NRG2: variants seen among roughly 807,000 people sequenced by gnomAD.
NRG2 encodes pro-neuregulin-2, membrane-bound isoform.
In NRG2, 27 loss-of-function variants were observed where a neutral mutation model predicts 73.9. The observed-to-expected ratio is 0.37, with a 90% CI of 0.27 to 0.50. The LOEUF is 0.50. Ranked by LOEUF, NRG2 falls within the 20% of genes least tolerant of loss-of-function variation. The pLI is 0.96. For missense variants in NRG2, 1,126 were observed against 1,210.1 expected (o/e 0.93, Z 1.03); for synonymous variants, 532 against 541.0 (o/e 0.98, Z 0.23).
chr5:139,875,589 T>G (rs1045123819), intron 3 of NRG2, among the ~76,000 whole-genome samples: 1 of 152,194 alleles, frequency 6.6e-6, no homozygotes, highest in Non-Finnish European at 1.5e-5. Flanking sequence ...CTCCTTTAAA[T>G]GCAAACATTC....
chr5:139,852,694 T>C lies in NRG2; in HGVS notation c.1417-135A>G. The C allele has an allele frequency of 6.9e-7, 1 of 1,440,700 alleles. No individual in the cohort carries two copies. The highest frequency in any genetic ancestry group is 9.5e-7 in the Non-Finnish European group (1 of 1,057,380). 89.2% of individuals were successfully genotyped at this position (1,440,700 alleles called of 1,614,324 possible). ...CCACTGTGTGAGAGTGACTTGATGT[T>C]GGGGCAGCGATGGCTCCAGCAAATC... On this transcript the variant is annotated intron_variant, in intron 7 of 9. Transcript: ENST00000361474. The surrounding 1 kb of genome is among the most constrained non-coding windows in gnomAD (Gnocchi z 4.4).
intron 1 of NRG2, among the ~76,000 whole-genome samples, chr5:140,032,940 T>G (rs1364217425): frequency 1.3e-5 from 2 of 152,190 alleles, no homozygotes; most frequent in African/African-American, 4.8e-5. Flanking sequence ...CTTAATATAA[T>G]TGTATGGGTA....
At chr5:139,932,689 T>C (rs1752565590) in intron 1 of NRG2, among the ~76,000 whole-genome samples, 1 of 152,090 alleles carries the variant, frequency 6.6e-6, no homozygotes, top group South Asian at 2.1e-4. Flanking sequence ...ATAGTAAGTA[T>C]TTTACTATCT....
chr5:139,931,188 C>G (rs1256920663), intron 1 of NRG2, among the ~76,000 whole-genome samples: 1 of 152,186 alleles, frequency 6.6e-6, no homozygotes, highest in Non-Finnish European at 1.5e-5. Context: ...AGGCCAAGAC[C>G]TGTCATACAG....
Position 140,002,719 on chromosome 5 carries a change from G to GT in NRG2, c.700+39650dup, listed in dbSNP as rs573818580. Reference sequence around the variant, plus strand: ...GGTTTACAGCAGGAGAATCACACGAGTTTTTTTTATTTGTCAGTCAGACTG... The same window carrying GT: ...GGTTTACAGCAGGAGAATCACACGAGTTTTTTTTTATTTGTCAGTCAGACTG... On this transcript the variant is annotated intron_variant, in intron 1 of 9. Coordinates refer to ENST00000361474, the MANE Select transcript of NRG2 (RefSeq NM_004883.3). Among the ~76,000 whole-genome samples, 974 of 152,202 alleles carry GT rather than the reference G, an allele frequency of 6.4e-3. 2 individuals are homozygous for GT. The highest frequency in any genetic ancestry group is 0.01 in the Non-Finnish European group (700 of 67,996).
intron 1 of NRG2, among the ~76,000 whole-genome samples, chr5:140,011,865 T>C (rs1759392562): frequency 6.6e-6 from 1 of 152,246 alleles, no homozygotes; most frequent in African/African-American, 2.4e-5. Flanking sequence ...AAATAACTAA[T>C]AAGAGGACCC....
rs1007264508 is a variant in NRG2 at position 139,901,215 on chromosome 5, G to A, written c.701-13704C>T. Among the ~76,000 whole-genome samples, 3 of 152,240 alleles carry A rather than the reference G, an allele frequency of 2.0e-5. No homozygotes were observed. The East Asian group carries it at 5.8e-4, about 29-fold the overall frequency. ...CCCCTGCCAAATGCCTGGGACCTGG[G>A]ATGAAGACTGATGAGTCCTGGTCTG... On this transcript the variant is annotated intron_variant, in intron 1 of 9. Transcript: ENST00000361474.
intron 1 of NRG2, among the ~76,000 whole-genome samples, chr5:139,959,184 T>C (rs1212447621): frequency 8.9e-6 from 1 of 112,676 alleles, no homozygotes; most frequent in African/African-American, 3.6e-5. Flanking sequence ...TCCTTGTGTT[T>C]TGTTTGTTTG....
intron 1 of NRG2, among the ~76,000 whole-genome samples, chr5:139,907,663 A>G (rs192875882): frequency 1.1e-4 from 16 of 152,304 alleles, no homozygotes; most frequent in Non-Finnish European, 1.2e-4. Context: ...TGGCATGGAA[A>G]TTCAAAGGGG....
At chr5:139,975,905 A>T (rs1168049703) in intron 1 of NRG2, among the ~76,000 whole-genome samples, 2 of 152,248 alleles carry the variant, frequency 1.3e-5, no homozygotes, top group Non-Finnish European at 2.9e-5. Flanking sequence ...GCTGGAATTA[A>T]AATTAAAAAT....
intron 3 of NRG2, among the ~76,000 whole-genome samples, chr5:139,878,026 C>T (rs1034267135): frequency 6.6e-6 from 1 of 152,184 alleles, no homozygotes; most frequent in African/African-American, 2.4e-5. Context: ...CTACGGAGGG[C>T]TGACAGTAAT....
At chr5:139,961,283 G>A in intron 1 of NRG2, among the ~76,000 whole-genome samples, 1 of 152,034 alleles carries the variant, frequency 6.6e-6, no homozygotes, top group Non-Finnish European at 1.5e-5. Context: ...TCTAGGTTTC[G>A]GCAGGGCCTT....
intron 1 of NRG2, among the ~76,000 whole-genome samples, chr5:139,981,910 G>A (rs964960144): frequency 2.0e-5 from 3 of 152,164 alleles, no homozygotes; most frequent in African/African-American, 7.2e-5. Context: ...GAGGAGGCAT[G>A]GGAAGAAAAA....
At chr5:139,895,937 G>A (rs760964817) in intron 1 of NRG2, among the ~76,000 whole-genome samples, 4 of 152,238 alleles carry the variant, frequency 2.6e-5, no homozygotes, top group African/African-American at 4.8e-5. Context: ...GGACTAGGCC[G>A]TCTCTTGCTC....
chr5:139,881,820 G>A (rs1306618247), intron 2 of NRG2, among the ~76,000 whole-genome samples: 1 of 152,238 alleles, frequency 6.6e-6, no homozygotes, highest in African/African-American at 2.4e-5. Context: ...CCTGCATGCT[G>A]AGAACTGTGT....
chr5:139,958,945 C>A (rs868417301), intron 1 of NRG2, among the ~76,000 whole-genome samples: 1 of 152,212 alleles, frequency 6.6e-6, no homozygotes, highest in Non-Finnish European at 1.5e-5. Flanking sequence ...GAGTGACTTG[C>A]CCCAGGCCCC....
intron 1 of NRG2, among the ~76,000 whole-genome samples, chr5:139,977,169 T>G (rs1450457324): frequency 6.6e-6 from 1 of 152,230 alleles, no homozygotes; most frequent in Non-Finnish European, 1.5e-5. Flanking sequence ...TGTAAGATGT[T>G]AATACTATAG....
At chr5:139,997,412 C>T (rs995195331) in intron 1 of NRG2, among the ~76,000 whole-genome samples, 2 of 152,204 alleles carry the variant, frequency 1.3e-5, no homozygotes, top group Non-Finnish European at 2.9e-5. Flanking sequence ...AATAATCTTA[C>T]GAAGACCATT....
intron 1 of NRG2, among the ~76,000 whole-genome samples, chr5:139,966,567 A>G (rs1287090780): frequency 6.6e-6 from 1 of 152,202 alleles, no homozygotes; most frequent in African/African-American, 2.4e-5. Flanking sequence ...AACTAGCAGC[A>G]AAGACTGGAG....
Sources: allele counts gnomAD v4.1 joint callset (sites outside exome capture counted in the v4.1 genomes callset), GRCh38; gene constraint gnomAD v4.1.1; non-coding constraint Gnocchi (gnomAD v3.1); transcripts MANE v1.5; gene names NCBI Gene and HGNC (gene_info 2026-07-23, HGNC 2026-07-21).